The following CMSS1 variants were observed in gnomAD, a reference collection of about 807,000 sequenced individuals.
CMSS1 encodes protein CMSS1.
CMSS1 carries 33 observed loss-of-function variants against 43.5 expected under a neutral mutation model. That is an observed-to-expected ratio of 0.76 (90% CI 0.57 to 1.01). CMSS1 has a LOEUF of 1.01. Ranked by LOEUF, CMSS1 falls within the 50% of genes least tolerant of loss-of-function variation. The pLI is 0.00. For synonymous variants in CMSS1, 115 were observed against 117.2 expected (o/e 0.98, Z 0.12); for missense variants, 313 against 326.4 (o/e 0.96, Z 0.32).
chr3:100,169,450 G>A (rs2067091505), intron 6 of CMSS1, among the ~76,000 whole-genome samples: 1 of 152,226 alleles, frequency 6.6e-6, no homozygotes, highest in South Asian at 2.1e-4. Context: ...CCTGAAGAAA[G>A]AGGAACTTGG....
chr3:99,894,849 G>C (rs1706198193), intron 1 of CMSS1, among the ~76,000 whole-genome samples: 1 of 152,190 alleles, frequency 6.6e-6, no homozygotes, highest in African/African-American at 2.4e-5. Flanking sequence ...GTACGGAGTA[G>C]AGAACAATAT....
At chr3:99,854,693 G>A (rs1943870823) in intron 1 of CMSS1, among the ~76,000 whole-genome samples, 1 of 150,740 alleles carries the variant, frequency 6.6e-6, no homozygotes, top group South Asian at 2.1e-4. Context: ...CTGGGGGGCA[G>A]TCACCTCCAG....
At chr3:99,895,425 A>G (rs979195487) in intron 1 of CMSS1, among the ~76,000 whole-genome samples, 1 of 149,800 alleles carries the variant, frequency 6.7e-6, no homozygotes, top group African/African-American at 2.5e-5. Context: ...ATGAATGGTA[A>G]TATTTGTGGC....
chr3:100,178,135 T>C (rs773044155), intron 9 of CMSS1, among the ~76,000 whole-genome samples, 170 bp from the exon 10 acceptor site: 2 of 152,076 alleles, frequency 1.3e-5, no homozygotes, highest in Non-Finnish European at 2.9e-5. Context: ...ATAATAATAA[T>C]AATTTTAAAA....
At chr3:100,087,656 T>C (rs994979517) in intron 1 of CMSS1, among the ~76,000 whole-genome samples, 1 of 152,062 alleles carries the variant, frequency 6.6e-6, no homozygotes, top group African/African-American at 2.4e-5. Flanking sequence ...ACTTGCGAGT[T>C]TTTTTCCCCA....
intron 1 of CMSS1, among the ~76,000 whole-genome samples, chr3:100,010,702 C>T (rs1443428682): frequency 1.4e-5 from 2 of 147,200 alleles, no homozygotes; most frequent in African/African-American, 4.9e-5. Flanking sequence ...GCAACTTCTA[C>T]CTCCCGGGTT....
At chr3:99,846,635 A>G (rs1272507228) in intron 1 of CMSS1, among the ~76,000 whole-genome samples, 3 of 152,226 alleles carry the variant, frequency 2.0e-5, no homozygotes, top group Non-Finnish European at 4.4e-5. Flanking sequence ...AATTTATTTA[A>G]TGATGATGCA....
At chr3:99,933,945 G>A (rs536910058) in intron 1 of CMSS1, among the ~76,000 whole-genome samples, 8 of 152,292 alleles carry the variant, frequency 5.3e-5, no homozygotes, top group African/African-American at 1.4e-4. Context: ...AATTCTGTGG[G>A]TTACTCCACA....
intron 1 of CMSS1, among the ~76,000 whole-genome samples, chr3:99,990,600 C>A (rs1052824124): frequency 9.9e-5 from 15 of 152,170 alleles, no homozygotes; most frequent in African/African-American, 3.6e-4. Context: ...AATACCAATT[C>A]TTGTGCTTCA....
Position 99,980,122 on chromosome 3 carries a change from G to A in CMSS1, c.64+162079G>A, listed in dbSNP as rs148516526. ...AAGCCTAATTCAGGCAGTACAGTAC[G>A]GACTATATAGTGAGACATGCAGTAG... On this transcript the variant is annotated intron_variant, in intron 1 of 9. Coordinates refer to ENST00000421999, the MANE Select transcript of CMSS1 (RefSeq NM_032359.4). Among the ~76,000 whole-genome samples the A allele has an allele frequency of 6.8e-3, 1,029 of 152,186 alleles. 3 individuals carry two copies. Among genetic ancestry groups the A allele is most frequent in the African/African-American group, 8.5e-3 (352 of 41,524 alleles).
chr3:100,058,100 G>C (rs554543473), intron 1 of CMSS1, among the ~76,000 whole-genome samples: 54 of 152,326 alleles, frequency 3.5e-4, no homozygotes, highest in African/African-American at 1.2e-3. Flanking sequence ...TGAGGAAACT[G>C]GCTGGGGAAG....
intron 1 of CMSS1, among the ~76,000 whole-genome samples, chr3:99,905,200 AG>A (rs1265792039): frequency 6.6e-6 from 1 of 152,210 alleles, no homozygotes; most frequent in Admixed American, 6.5e-5. Flanking sequence ...TGCTTTCCAC[AG>A]TATTTCTCCC....
chr3:99,919,012 GTA>G (rs1345718196), intron 1 of CMSS1, among the ~76,000 whole-genome samples: 1 of 152,166 alleles, frequency 6.6e-6, no homozygotes, highest in Non-Finnish European at 1.5e-5. Context: ...AGTTTAGTGT[GTA>G]TGAAATTTAA....
At chr3:99,821,517 A>C (rs1942438958) in intron 1 of CMSS1, among the ~76,000 whole-genome samples, 1 of 152,238 alleles carries the variant, frequency 6.6e-6, no homozygotes, top group Non-Finnish European at 1.5e-5. Context: ...AATGGCATCT[A>C]ATATTTGATT....
intron 1 of CMSS1, among the ~76,000 whole-genome samples, chr3:99,862,456 G>A (rs1944311498): frequency 6.6e-6 from 1 of 152,184 alleles, no homozygotes; most frequent in South Asian, 2.1e-4. Flanking sequence ...TAGTCATAAT[G>A]ATTGTCATTT....
In CMSS1 at chr3:100,081,838, G is replaced by GTA. The variant is rs201067739; in HGVS notation, c.65-65134_65-65133dup. Among the ~76,000 whole-genome samples the GTA allele has an allele frequency of 4.6e-3, 701 of 152,212 alleles. 5 individuals are homozygous for GTA. Among genetic ancestry groups the GTA allele is most frequent in the African/African-American group, 0.016 (668 of 41,532 alleles). ...GTTGCAGAGGGCTGTCCTGTGCATT[G>GTA]TAGGATGTTTAGCAGCATCCTTGGC... On this transcript the variant is annotated intron_variant, in intron 1 of 9. Coordinates refer to ENST00000421999, the MANE Select transcript of CMSS1 (RefSeq NM_032359.4).
At chr3:100,028,781 A>G (rs935652786) in intron 1 of CMSS1, among the ~76,000 whole-genome samples, 4 of 152,160 alleles carry the variant, frequency 2.6e-5, no homozygotes, top group Admixed American at 2.0e-4. Context: ...TGTTTTCTTA[A>G]GAAGAGTTGA....
At chr3:100,178,009 C>T (rs1559780803) in intron 9 of CMSS1, among the ~76,000 whole-genome samples, 1 of 152,156 alleles carries the variant, frequency 6.6e-6, no homozygotes, top group African/African-American at 2.4e-5. Context: ...ATCCTAGCTA[C>T]TCAGAAGGCT....
intron 1 of CMSS1, among the ~76,000 whole-genome samples, chr3:100,122,480 A>C (rs2066630410): frequency 6.6e-6 from 1 of 152,222 alleles, no homozygotes; most frequent in African/African-American, 2.4e-5. Context: ...TGGCAAAGTG[A>C]CAAGGGTATT....
Sources: gnomAD v4.1 joint callset for allele counts (sites outside exome capture counted in the v4.1 genomes callset) on GRCh38, gnomAD v4.1.1 for gene constraint, MANE v1.5 for transcripts, NCBI Gene and HGNC (gene_info 2026-07-23, HGNC 2026-07-21) for gene names.